The following UIMC1 variants were observed in gnomAD, a reference collection of about 807,000 sequenced individuals.
UIMC1 encodes the protein BRCA1-A complex subunit RAP80.
A neutral mutation model predicts 84.9 loss-of-function variants in UIMC1; 42 were observed. The ratio of observed to expected loss-of-function variants is 0.49; its 90% CI spans 0.39 to 0.64. The LOEUF is 0.64. UIMC1 is among the 30% of genes least tolerant of loss of function. UIMC1 has a pLI of 0.00. For missense variants in UIMC1, 825 were observed against 847.6 expected (o/e 0.97, Z 0.33); for synonymous variants, 281 against 293.0 (o/e 0.96, Z 0.42).
intron 9 of UIMC1, among the ~76,000 whole-genome samples, chr5:176,948,320 G>T (rs1466389492): frequency 6.6e-6 from 1 of 152,174 alleles, no homozygotes; most frequent in Non-Finnish European, 1.5e-5. Context: ...TCTGTCATTA[G>T]TAAACTAATA....
At chr5:176,934,975 T>C (rs545390682) in intron 10 of UIMC1, among the ~76,000 whole-genome samples, 35 of 152,346 alleles carry the variant, frequency 2.3e-4, no homozygotes, top group African/African-American at 7.9e-4. Context: ...GACTTGCCAA[T>C]TATTACACAC....
chr5:176,995,632 A>G (rs576553819), intron 1 of UIMC1, among the ~76,000 whole-genome samples: 1 of 151,464 alleles, frequency 6.6e-6, no homozygotes, highest in African/African-American at 2.4e-5. Flanking sequence ...TCACGAGGTG[A>G]AAAGATCGAG....
At chr5:176,934,876 A>C (rs1169530437) in intron 10 of UIMC1, among the ~76,000 whole-genome samples, 2 of 152,244 alleles carry the variant, frequency 1.3e-5, no homozygotes, top group African/African-American at 4.8e-5. Context: ...CCTTAAGAAG[A>C]GGCCATCTGT....
chr5:176,920,571 C>G (rs1426594758), intron 10 of UIMC1, among the ~76,000 whole-genome samples: 5 of 151,802 alleles, frequency 3.3e-5, no homozygotes, highest in Non-Finnish European at 7.4e-5. Flanking sequence ...TTCTTAAATC[C>G]ACTTTCAGAT....
chr5:177,019,074 G>A (rs1427105802), intron 1 of UIMC1, among the ~76,000 whole-genome samples: 1 of 152,072 alleles, frequency 6.6e-6, no homozygotes, highest in Non-Finnish European at 1.5e-5. Context: ...GTGAGACCCC[G>A]TCTCTAAAAG....
At chr5:176,976,145 T>G (rs902266617) in intron 2 of UIMC1, among the ~76,000 whole-genome samples, 1 of 151,940 alleles carries the variant, frequency 6.6e-6, no homozygotes, top group African/African-American at 2.4e-5. Context: ...CCCAAAAAAA[T>G]TTATTTATTT....
rs374423503 is a variant in UIMC1, at chr5:176,969,004, C to T, written c.751G>A (p.Gly251Arg). The T allele has an allele frequency of 6.2e-6, 10 of 1,614,192 alleles. No homozygotes were observed. The highest frequency in any genetic ancestry group is 4.4e-5 in the South Asian group (4 of 91,088). Reference protein sequence around the residue: ...SAFLKAVQGSGDTSRHCLPTL... With the variant: ...SAFLKAVQGSRDTSRHCLPTL... ...GGTAGACAGTGCCTAGATGTGTCCC[C>T]GCTACCCTGGACAGCTTTGAGAAAA... The change falls in exon 6 of 15, where the codon GGG becomes AGG. Residue 251 changes from glycine to arginine, a missense_variant. Gly to Arg is a moderately radical substitution (Grantham distance 125). Transcript: ENST00000511320.
intron 13 of UIMC1, 68 bp from the exon 14 acceptor site, chr5:176,906,115 C>A (rs1759332657): frequency 2.1e-5 from 32 of 1,508,178 alleles, no homozygotes; most frequent in Non-Finnish European, 2.9e-5. Context: ...TCTCACTGAT[C>A]TTTTGCTTCC....
At chr5:176,999,573 C>CCCCACCA (rs1774148500) in intron 1 of UIMC1, among the ~76,000 whole-genome samples, 1 of 151,852 alleles carries the variant, frequency 6.6e-6, no homozygotes, top group Non-Finnish European at 1.5e-5. Flanking sequence ...TTCCCAACCT[C>CCCCACCA]TAGTAACCAT....
chr5:176,936,070 T>C (rs1031688878), intron 10 of UIMC1, among the ~76,000 whole-genome samples: 3 of 152,218 alleles, frequency 2.0e-5, no homozygotes, highest in African/African-American at 7.2e-5. Context: ...CCTTTCTTCT[T>C]TTCCTTAGTT....
intron 10 of UIMC1, among the ~76,000 whole-genome samples, chr5:176,928,348 T>C (rs192560518): frequency 3.8e-4 from 58 of 152,268 alleles, no homozygotes; most frequent in African/African-American, 1.4e-3. Flanking sequence ...ACTTTGCTTT[T>C]AAGAGTACAT....
chr5:177,006,962 T>C (rs1775365256), upstream of UIMC1, among the ~76,000 whole-genome samples: 1 of 152,078 alleles, frequency 6.6e-6, no homozygotes, highest in African/African-American at 2.4e-5. Flanking sequence ...TGGGGCAAAA[T>C]GTATAGAACG....
chr5:176,984,665 G>A (rs994185710), intron 1 of UIMC1, among the ~76,000 whole-genome samples: 8 of 122,020 alleles, frequency 6.6e-5, no homozygotes, highest in Non-Finnish European at 9.4e-5. Flanking sequence ...GGGAAATGTG[G>A]GGAAAAGAAA....
At chr5:176,955,607 A>G (rs866554604) in intron 8 of UIMC1, among the ~76,000 whole-genome samples, 2 of 152,244 alleles carry the variant, frequency 1.3e-5, no homozygotes, top group South Asian at 4.1e-4. Flanking sequence ...ATTTAAAATA[A>G]TTTAAACAAA....
At chr5:177,003,074 C>T (rs757535572) in intron 1 of UIMC1, among the ~76,000 whole-genome samples, 1 of 151,824 alleles carries the variant, frequency 6.6e-6, no homozygotes, top group Non-Finnish European at 1.5e-5. Context: ...TTATTAAATG[C>T]TATATATGCA....
At chr5:176,920,886 C>G (rs1761621256) in intron 10 of UIMC1, among the ~76,000 whole-genome samples, 2 of 152,312 alleles carry the variant, frequency 1.3e-5, no homozygotes, top group Admixed American at 1.3e-4. Flanking sequence ...CAGTCTTTCA[C>G]CATTAAGTAT....
intron 13 of UIMC1, among the ~76,000 whole-genome samples, 198 bp downstream of exon 13, chr5:176,906,916 T>C (rs1759459723): frequency 6.6e-6 from 1 of 152,176 alleles, no homozygotes; most frequent in Admixed American, 6.5e-5. Flanking sequence ...AAGCCTGAAA[T>C]GAAACACAGG....
In UIMC1 at chr5:176,969,717, T is replaced by C. The variant is rs370131164; in HGVS notation, c.358-11A>G. 5.7e-5 allele frequency: 92 copies of C among 1,612,784 alleles called. No individual in the cohort carries two copies. The highest frequency in any genetic ancestry group is 8.0e-5 in the African/African-American group (6 of 74,876). ...AGAAGGCCGGCAACTCTGAAACAAG[T>C]GATCCCATACCAGACCAGGTTTATT... On this transcript the variant is annotated splice_polypyrimidine_tract_variant and intron_variant, in intron 4 of 14. Transcript: ENST00000511320.
At chr5:176,949,122 T>G (rs185172760) in intron 9 of UIMC1, among the ~76,000 whole-genome samples, 79 of 151,960 alleles carry the variant, frequency 5.2e-4, no homozygotes, top group African/African-American at 1.7e-3. Flanking sequence ...TTTTTTTAAA[T>G]TTTATTATTA....
Sources: allele counts gnomAD v4.1 joint callset (sites outside exome capture counted in the v4.1 genomes callset), GRCh38; gene constraint gnomAD v4.1.1; transcripts MANE v1.5; gene names NCBI Gene and HGNC (gene_info 2026-07-23, HGNC 2026-07-21).